Variants in DLG1 observed in about 807,000 individuals in gnomAD.
The protein encoded by DLG1 is discs large MAGUK scaffold protein 1, also known as disks large homolog 1.
DLG1 carries 42 observed loss-of-function variants against 123.4 expected under a neutral mutation model. The ratio of observed to expected loss-of-function variants is 0.34; its 90% CI spans 0.27 to 0.44. DLG1 has a LOEUF of 0.44. Among genes scored for constraint, DLG1 ranks in the 20% least tolerant of loss-of-function variants. The pLI is 1.00. For missense variants in DLG1, 942 were observed against 1,082.6 expected (o/e 0.87, Z 1.82); for synonymous variants, 317 against 356.2 (o/e 0.89, Z 1.24).
At chr3:197,184,406 T>C (rs2150163296) in intron 5 of DLG1, among the ~76,000 whole-genome samples, 1 of 152,372 alleles carries the variant, frequency 6.6e-6, no homozygotes, top group East Asian at 1.9e-4. Flanking sequence ...AAAGAATCTT[T>C]GTCATTCATA....
chr3:197,188,334 C>G (rs968381599), intron 5 of DLG1, among the ~76,000 whole-genome samples: 3 of 152,132 alleles, frequency 2.0e-5, no homozygotes, highest in African/African-American at 7.2e-5. Context: ...TCAGAAAACT[C>G]CAAGAATTTA....
chr3:197,096,931 C>T (rs1487355660), intron 14 of DLG1, among the ~76,000 whole-genome samples: 1 of 152,078 alleles, frequency 6.6e-6, no homozygotes, highest in Non-Finnish European at 1.5e-5. Context: ...ATTAGTTTTC[C>T]CCAACTTTTA....
At chr3:197,223,729 G>A (rs1380335366) in intron 4 of DLG1, among the ~76,000 whole-genome samples, 1 of 152,196 alleles carries the variant, frequency 6.6e-6, no homozygotes, top group African/African-American at 2.4e-5. Flanking sequence ...ATTGTCTCAA[G>A]CCATTTCTGA....
intron 4 of DLG1, among the ~76,000 whole-genome samples, chr3:197,198,884 G>A (rs1476373839): frequency 6.6e-6 from 1 of 152,142 alleles, no homozygotes; most frequent in Non-Finnish European, 1.5e-5. Flanking sequence ...AAGGTTACAT[G>A]AAGTATCTTA....
At chr3:197,289,136 C>T (rs533784458) in intron 3 of DLG1, among the ~76,000 whole-genome samples, 1 of 152,204 alleles carries the variant, frequency 6.6e-6, no homozygotes, top group South Asian at 2.1e-4. Context: ...CATTCCTTTC[C>T]ACTAGAGGAA....
intron 5 of DLG1, among the ~76,000 whole-genome samples, chr3:197,175,249 A>AT (rs1264123675): frequency 6.6e-6 from 1 of 152,178 alleles, no homozygotes; most frequent in African/African-American, 2.4e-5. Flanking sequence ...CTGAACAACT[A>AT]TTTTTACCTT....
chr3:197,150,746 G>C (rs1793449755), intron 5 of DLG1, among the ~76,000 whole-genome samples: 2 of 151,942 alleles, frequency 1.3e-5, no homozygotes, highest in Admixed American at 6.5e-5. Flanking sequence ...CAAATGTACA[G>C]GCTTTTAATA....
At chr3:197,204,372 T>C (rs1255087934) in intron 4 of DLG1, among the ~76,000 whole-genome samples, 1 of 152,244 alleles carries the variant, frequency 6.6e-6, no homozygotes, top group Non-Finnish European at 1.5e-5. Flanking sequence ...AGGACCAACT[T>C]AGAGCCACAT....
intron 3 of DLG1, among the ~76,000 whole-genome samples, chr3:197,288,014 A>G (rs751069967): frequency 1.3e-4 from 20 of 152,218 alleles, no homozygotes; most frequent in Non-Finnish European, 2.1e-4. Flanking sequence ...TACAATATTT[A>G]TAATTCACAA....
intron 18 of DLG1, chr3:197,069,962 T>A (rs1742476163): frequency 6.6e-6 from 1 of 152,176 alleles, no homozygotes; most frequent in Non-Finnish European, 1.5e-5. Context: ...TCTGCTTTGA[T>A]AAGACTGGCA....
intron 11 of DLG1, among the ~76,000 whole-genome samples, chr3:197,120,584 C>CT (rs1412225003): frequency 6.6e-6 from 1 of 152,158 alleles, no homozygotes; most frequent in African/African-American, 2.4e-5. Flanking sequence ...GCATTAATCT[C>CT]TTTTTTATTA....
chr3:197,054,444 A>G (rs201946128), intron 23 of DLG1, among the ~76,000 whole-genome samples: 11 of 120,360 alleles, frequency 9.1e-5, no homozygotes, highest in African/African-American at 2.6e-4. Flanking sequence ...TCTGTTTCGC[A>G]GACTAAATAA....
intron 4 of DLG1, among the ~76,000 whole-genome samples, chr3:197,217,222 T>C (rs1423983887): frequency 6.6e-6 from 1 of 152,124 alleles, no homozygotes; most frequent in Non-Finnish European, 1.5e-5. Flanking sequence ...CTGACAACTG[T>C]TGAAGGTAGA....
intron 4 of DLG1, among the ~76,000 whole-genome samples, chr3:197,220,190 G>A (rs147631970): frequency 6.6e-6 from 1 of 152,148 alleles, no homozygotes; most frequent in African/African-American, 2.4e-5. Context: ...ATGAATCAAT[G>A]AATAAATTAA....
chr3:197,122,343 C>T (rs1338730180), intron 11 of DLG1, among the ~76,000 whole-genome samples: 1 of 152,072 alleles, frequency 6.6e-6, no homozygotes, highest in African/African-American at 2.4e-5. Flanking sequence ...AGAAGACCTG[C>T]TGGTAACACC....
chr3:197,231,697 TA>T (rs11370331), intron 4 of DLG1, among the ~76,000 whole-genome samples: 14 of 126,792 alleles, frequency 1.1e-4, no homozygotes, highest in Admixed American at 4.0e-4. Flanking sequence ...CAGACCCTGT[TA>T]AAAAAAAAAA....
At chr3:197,273,797 C>T (rs1231782382) in intron 4 of DLG1, among the ~76,000 whole-genome samples, 1 of 107,622 alleles carries the variant, frequency 9.3e-6, no homozygotes, top group Non-Finnish European at 1.8e-5. Context: ...TAGACCAACA[C>T]CAAACAATCC....
Position 197,288,382 on chromosome 3 carries a change from A to AAG in DLG1, c.152-5538_152-5537insCT, listed in dbSNP as rs60542379. 2.0e-5 allele frequency among the ~76,000 whole-genome samples: 3 copies of AAG among 147,966 alleles called. No individual in the cohort carries two copies. The East Asian group carries it at 5.9e-4, about 29-fold the overall frequency. On this transcript the variant is annotated intron_variant, in intron 3 of 24. Transcript: ENST00000667157. ...CGTCTCAAAAAAAAAAAAAAAAAAAAGAAAAGAAAAGGAAAAAAAAAATCT... is the reference window on the plus strand; with the variant it reads ...CGTCTCAAAAAAAAAAAAAAAAAAAAAGGAAAAGAAAAGGAAAAAAAAAATCT...
intron 17 of DLG1, 95 bp downstream of exon 17, chr3:197,080,956 A>G (rs966167564): frequency 3.2e-5 from 38 of 1,172,790 alleles, no homozygotes; most frequent in Non-Finnish European, 4.1e-5. Context: ...CATGGCAAGA[A>G]CTGATCATGA....
Sources: gnomAD v4.1 joint callset for allele counts (sites outside exome capture counted in the v4.1 genomes callset) on GRCh38, gnomAD v4.1.1 for gene constraint, MANE v1.5 for transcripts, NCBI Gene and HGNC (gene_info 2026-07-23, HGNC 2026-07-21) for gene names.